Variants in ABCA1 observed in about 807,000 individuals in gnomAD.
ABCA1 encodes the protein ATP binding cassette subfamily A member 1.
In ABCA1, 133 loss-of-function variants were observed where a neutral mutation model predicts 262.5. That is an observed-to-expected ratio of 0.51 (90% confidence interval 0.44 to 0.59). The LOEUF is 0.59. Ranked by LOEUF, ABCA1 falls within the 20% of genes least tolerant of loss-of-function variation. ABCA1 has a pLI of 0.00. For missense variants in ABCA1, 2,452 were observed against 2,777.5 expected (o/e 0.88, Z 2.63); for synonymous variants, 1,022 against 1,043.5 (o/e 0.98, Z 0.40).
rs1251769622 is a variant in ABCA1 at position 104,822,375 on chromosome 9, A to G, written c.2828+121T>C. On this transcript the variant is annotated intron_variant, in intron 19 of 49. Coordinates refer to ENST00000374736, the MANE Select transcript of ABCA1 (RefSeq NM_005502.4). ...TTAGATAACATGTTCACATTCGGCA[A>G]CTCCTCATGTGCTCCTTCCCTTGGC... The G allele has an allele frequency of 1.2e-5, 16 of 1,310,090 alleles. No homozygotes were observed. In the South Asian group the frequency reaches 1.4e-4, roughly 12 times the overall value. The allele number at this position is 1,310,090 out of a possible 1,614,324, so 81.2% of individuals were successfully genotyped here. A position where few individuals can be genotyped will look rare whatever the true frequency, so the allele number is the denominator to read the frequency against.
At chr9:104,856,039 C>A (rs1835807953) in intron 7 of ABCA1, 2 of 1,612,312 alleles carry the variant, frequency 1.2e-6, no homozygotes, top group Non-Finnish European at 1.7e-6. Flanking sequence ...TGCTGCACTT[C>A]TTGGCACAGT....
At chr9:104,847,163 G>GTC (rs1197900891) in intron 7 of ABCA1, among the ~76,000 whole-genome samples, 2 of 152,048 alleles carry the variant, frequency 1.3e-5, no homozygotes, top group African/African-American at 4.8e-5. Context: ...ACTTAAAAAC[G>GTC]TGGTAGTTAA....
chr9:104,820,571 A>G (rs577978639), intron 20 of ABCA1, among the ~76,000 whole-genome samples: 1 of 152,300 alleles, frequency 6.6e-6, no homozygotes, highest in African/African-American at 2.4e-5. Context: ...ATAAGGGAAA[A>G]GCCTTGCCCA....
chr9:104,797,589 T>C (rs1372891020), intron 37 of ABCA1, among the ~76,000 whole-genome samples: 2 of 152,238 alleles, frequency 1.3e-5, no homozygotes, highest in African/African-American at 2.4e-5. Context: ...ATTCACAATA[T>C]ACAGCATGGC....
chr9:104,817,337 G>A lies in ABCA1; in HGVS notation c.3530C>T (p.Thr1177Ile), dbSNP rs1354769171. Reference protein sequence around the residue: ...LGSDHESDTLTIDVSAISNLI... With the variant: ...LGSDHESDTLIIDVSAISNLI... ...AGAAACCCCAGAGTCCTTACCGATG[G>A]TCAGCGTGTCACTCTCATGGTCGCT... The change falls in exon 24 of 50, where the codon ACC becomes ATC. Residue 1177 changes from threonine (T) to isoleucine (I), a missense_variant. Physicochemically the swap from Thr to Ile is moderately conservative, Grantham distance 89. This residue lies in a region of ABCA1 where 665 missense variants were observed against 727.3 expected (regional missense o/e 0.91). Coordinates refer to ENST00000374736, the MANE Select transcript of ABCA1 (RefSeq NM_005502.4). The surrounding 1 kb of genome is among the most constrained non-coding windows in gnomAD (Gnocchi z 4.7). 6.2e-7 allele frequency: 1 copy of A among 1,614,152 alleles called. No homozygotes were observed. The highest frequency in any genetic ancestry group is 8.5e-7 in the Non-Finnish European group (1 of 1,180,018).
intron 8 of ABCA1, among the ~76,000 whole-genome samples, chr9:104,840,881 G>A (rs900339207): frequency 1.3e-5 from 2 of 152,138 alleles, no homozygotes; most frequent in Non-Finnish European, 2.9e-5. Flanking sequence ...TGAAGCCCCT[G>A]GGGCTGGGCT....
chr9:104,906,548 C>T (rs961646753), intron 1 of ABCA1, among the ~76,000 whole-genome samples: 1 of 151,992 alleles, frequency 6.6e-6, no homozygotes, highest in Non-Finnish European at 1.5e-5. Context: ...CTTCCTGCTC[C>T]AATTCCTCCC....
intron 7 of ABCA1, among the ~76,000 whole-genome samples, chr9:104,857,336 G>A (rs1432617697): frequency 3.3e-5 from 5 of 152,072 alleles, no homozygotes; most frequent in Admixed American, 6.5e-5. Context: ...AGGCTCAAGC[G>A]ATCCTCCTGC....
chr9:104,922,246 C>T (rs890601354), intron 1 of ABCA1, among the ~76,000 whole-genome samples: 3 of 152,178 alleles, frequency 2.0e-5, no homozygotes, highest in African/African-American at 7.2e-5. Context: ...ATTCTCTGGC[C>T]TCAAGTATTT....
rs1828630925 is a variant in ABCA1 at position 104,782,922 on chromosome 9, A to G, written c.*1393T>C. The G allele has an allele frequency of 6.6e-6, 1 of 152,528 alleles. No homozygotes were observed. Among genetic ancestry groups the G allele is most frequent in the African/African-American group, 2.4e-5 (1 of 41,398 alleles). The allele number at this position is 152,528 out of a possible 1,614,324, so 9.4% of individuals were successfully genotyped here. Reference sequence around the variant, plus strand: ...CAACCACAAGACAACCTATATTTGTAAACCAGTGAGCTGAATAACATGGCA... The same window carrying G: ...CAACCACAAGACAACCTATATTTGTGAACCAGTGAGCTGAATAACATGGCA... On this transcript the variant is annotated 3_prime_UTR_variant, in exon 50 of 50. Coordinates refer to ENST00000374736, the MANE Select transcript of ABCA1 (RefSeq NM_005502.4).
chr9:104,863,040 CTAAA>C (rs1048757379), intron 5 of ABCA1, among the ~76,000 whole-genome samples: 9 of 151,958 alleles, frequency 5.9e-5, no homozygotes, highest in Non-Finnish European at 1.3e-4. Flanking sequence ...CGGAATCTCC[CTAAA>C]TAATAGGCCC....
At chr9:104,813,938 G>T (rs1044109768) in intron 27 of ABCA1, among the ~76,000 whole-genome samples, 180 bp downstream of exon 27, 2 of 152,232 alleles carry the variant, frequency 1.3e-5, no homozygotes, top group African/African-American at 4.8e-5. Flanking sequence ...GCTCTTTCAG[G>T]TTTGATCACA....
intron 5 of ABCA1, among the ~76,000 whole-genome samples, chr9:104,876,545 G>A (rs1451580609): frequency 6.6e-6 from 1 of 152,198 alleles, no homozygotes; most frequent in Non-Finnish European, 1.5e-5. Context: ...GTGGATGCCT[G>A]AGCGGAAATG....
chr9:104,847,079 C>A (rs1268042505), intron 7 of ABCA1, among the ~76,000 whole-genome samples: 1 of 152,094 alleles, frequency 6.6e-6, no homozygotes, highest in Non-Finnish European at 1.5e-5. Flanking sequence ...ATGTTCAAGA[C>A]AGCATAGCAA....
At chr9:104,870,533 C>T (rs1395509732) in intron 5 of ABCA1, among the ~76,000 whole-genome samples, 1 of 152,238 alleles carries the variant, frequency 6.6e-6, no homozygotes, top group Admixed American at 6.5e-5. Context: ...CGTGTCCCCC[C>T]TCAAAGTTCA....
rs1832001692 is a variant in ABCA1 at position 104,818,708 on chromosome 9, G to A, written c.3417C>T (p.Leu1139=). 1 of 1,613,602 alleles carries A rather than the reference G, an allele frequency of 6.2e-7. No homozygotes were observed. Among genetic ancestry groups the A allele is most frequent in the Non-Finnish European group, 8.5e-7 (1 of 1,180,044 alleles). Residue 1139 remains leucine, a synonymous_variant, in exon 23 of 50, where the codon CTC becomes CTT. Coordinates refer to ENST00000374736, the MANE Select transcript of ABCA1 (RefSeq NM_005502.4). ...TGCTACTACTGTTTCTGCAGGAACT[G>A]AGGGAGGATTCCACATCTTTCTTGA... The part of the protein sequence containing the change: ...TLVKKDVESS[L]SSCRNSSSTV...
intron 2 of ABCA1, among the ~76,000 whole-genome samples, chr9:104,891,427 G>A (rs1839735351): frequency 1.3e-5 from 2 of 150,786 alleles, no homozygotes; most frequent in African/African-American, 2.4e-5. Context: ...GAAACGCTGT[G>A]TCTACTAAAA....
In ABCA1 at chr9:104,845,461, G is replaced by GA. The variant is rs1564171985; in HGVS notation, c.813+15dup. 6.3e-7 allele frequency: 1 copy of GA among 1,597,750 alleles called. No homozygotes were observed. Among genetic ancestry groups the GA allele is most frequent in the South Asian group, 1.1e-5 (1 of 90,576 alleles). On this transcript the variant is annotated intron_variant, in intron 8 of 49. Transcript: ENST00000374736. ...GTGGATGATCCGCTTCCTGGTACTG[G>GA]AAAGACACAACTTACCTCCTGGGCC...
intron 2 of ABCA1, among the ~76,000 whole-genome samples, chr9:104,891,784 G>T (rs888700272): frequency 5.3e-5 from 8 of 150,902 alleles, no homozygotes; most frequent in Non-Finnish European, 8.9e-5. Flanking sequence ...TGGCCAACAT[G>T]GTGAAACCCC....
Sources: allele counts gnomAD v4.1 joint callset (sites outside exome capture counted in the v4.1 genomes callset), GRCh38; gene constraint gnomAD v4.1.1; regional missense constraint gnomAD v4.1.1; non-coding constraint Gnocchi (gnomAD v3.1); transcripts MANE v1.5; gene names NCBI Gene and HGNC (gene_info 2026-07-23, HGNC 2026-07-21).